RCL1: variants seen among roughly 807,000 people sequenced by gnomAD.
The protein encoded by RCL1 is RNA terminal phosphate cyclase like 1.
A neutral mutation model predicts 42.4 loss-of-function variants in RCL1; 24 were observed. The observed-to-expected ratio is 0.57, with a 90% CI of 0.41 to 0.80. The LOEUF is 0.80. Ranked by LOEUF, RCL1 falls within the 30% of genes least tolerant of loss-of-function variation. RCL1 has a pLI of 0.00. For missense variants in RCL1, 578 were observed against 467.9 expected, an observed-to-expected ratio of 1.24 and a Z score of -2.17; for synonymous variants, 228 against 177.3, an observed-to-expected ratio of 1.29 and a Z score of -2.27.
intron 8 of RCL1, chr9:4,850,148 A>G (rs913944931): frequency 1.1e-5 from 4 of 371,222 alleles, no homozygotes; most frequent in African/African-American, 8.1e-5. Flanking sequence ...TCCTATTGAT[A>G]GTAAATGAGG....
chr9:4,794,443 A>G (rs576585510), intron 1 of RCL1, among the ~76,000 whole-genome samples: 68 of 152,334 alleles, frequency 4.5e-4, no homozygotes, highest in Non-Finnish European at 2.5e-4. Flanking sequence ...GAGAGACCAC[A>G]AATGGTTTAT....
chr9:4,843,599 C>G lies in RCL1; in HGVS notation c.711-926C>G, dbSNP rs570616320. Among the ~76,000 whole-genome samples the G allele has an allele frequency of 2.1e-4, 32 of 152,196 alleles. 1 individual carries two copies. The South Asian group carries it at 6.6e-3, about 32-fold the overall frequency. On this transcript the variant is annotated intron_variant, in intron 6 of 8. Transcript: ENST00000381750. Reference sequence around the variant, plus strand: ...ATATTCTTTGTCTTTTCTAAAGTTACTTAAATTGTGTTAAATGGAATAATT... The same window carrying G: ...ATATTCTTTGTCTTTTCTAAAGTTAGTTAAATTGTGTTAAATGGAATAATT...
At chr9:4,848,518 G>A (rs371849512) in intron 7 of RCL1, among the ~76,000 whole-genome samples, 1 of 152,206 alleles carries the variant, frequency 6.6e-6, no homozygotes, top group Admixed American at 6.5e-5. Flanking sequence ...TCTAGCCTTG[G>A]ATAGTAACGT....
intron 1 of RCL1, among the ~76,000 whole-genome samples, chr9:4,796,571 A>AT (rs1002926303): frequency 2.9e-4 from 44 of 151,838 alleles, no homozygotes; most frequent in African/African-American, 9.9e-4. Flanking sequence ...GATTTTTAAA[A>AT]TTTTTTTTGT....
chr9:4,827,283 G>A (rs1342572545), intron 3 of RCL1: 19 of 1,310,520 alleles, frequency 1.4e-5, no homozygotes, highest in Non-Finnish European at 1.8e-5. Flanking sequence ...CTTCAAAACA[G>A]ATGCTCTCCG....
Position 4,838,843 on chromosome 9 carries a change from C to A in RCL1, c.585-2389C>A, listed in dbSNP as rs146038031. Reference sequence around the variant, plus strand: ...TCTCTGATTCTTGAAAGAATAAGAACCTCTGCTTGGGATTTGAATCTTGGA... The same window carrying A: ...TCTCTGATTCTTGAAAGAATAAGAAACTCTGCTTGGGATTTGAATCTTGGA... On this transcript the variant is annotated intron_variant, in intron 5 of 8. Transcript: ENST00000381750. Among the ~76,000 whole-genome samples the A allele has an allele frequency of 1.2e-3, 187 of 152,278 alleles. 2 individuals are homozygous for A. The highest frequency in any genetic ancestry group is 4.3e-3 in the African/African-American group (179 of 41,546).
At chr9:4,825,764 A>G (rs1056524428) in intron 2 of RCL1, among the ~76,000 whole-genome samples, 1 of 152,084 alleles carries the variant, frequency 6.6e-6, no homozygotes, top group African/African-American at 2.4e-5. Flanking sequence ...AGAGCCAGGC[A>G]TGGTGGTTCA....
intron 1 of RCL1, among the ~76,000 whole-genome samples, chr9:4,802,186 A>G (rs1843015145): frequency 6.6e-6 from 1 of 151,404 alleles, no homozygotes; most frequent in African/African-American, 2.4e-5. Context: ...TGGGCTCTCA[A>G]AGTGCTGGGA....
intron 1 of RCL1, among the ~76,000 whole-genome samples, chr9:4,798,194 T>C (rs1415308905): frequency 1.3e-5 from 2 of 152,196 alleles, no homozygotes; most frequent in Admixed American, 1.3e-4. Context: ...CTCATCAGTA[T>C]TATAAAGCAG....
intron 5 of RCL1, chr9:4,839,712 G>A (rs1364593613): frequency 2.0e-6 from 2 of 984,868 alleles, no homozygotes; most frequent in Non-Finnish European, 2.4e-6. Context: ...TTTGAGTCAA[G>A]TTAAATATTT....
intron 7 of RCL1, among the ~76,000 whole-genome samples, chr9:4,846,894 C>CTTTTTTCTTTTTTCT (rs57427254): frequency 0.68 from 101,662 of 148,456 alleles, 35,020 homozygotes; most frequent in African/African-American, 0.73. Flanking sequence ...TAATATTTTT[C>CTTTTTTCTTTTTTCT]TTTTTTTTTT....
intron 8 of RCL1, among the ~76,000 whole-genome samples, chr9:4,855,780 G>A (rs753651647): frequency 1.3e-5 from 2 of 152,148 alleles, no homozygotes; most frequent in African/African-American, 2.4e-5. Context: ...GACAGGCTGA[G>A]GAGTTGGCAG....
At position 4,856,814 on chromosome 9, in the gene RCL1, C is replaced by G. The variant is rs574507250; in HGVS notation, c.972-3311C>G. Among the ~76,000 whole-genome samples, 10 of 152,310 alleles carry G rather than the reference C, an allele frequency of 6.6e-5. No individual in the cohort carries two copies. In the East Asian group the frequency reaches 1.9e-3, roughly 29 times the overall value. On this transcript the variant is annotated intron_variant, in intron 8 of 8. Transcript: ENST00000381750. ...CATCCAGCACTGACCAGAACTCCTGCCCTCTAGGGTTGTTAATGTTTCATC... is the reference window on the plus strand; with the variant it reads ...CATCCAGCACTGACCAGAACTCCTGGCCTCTAGGGTTGTTAATGTTTCATC...
intron 1 of RCL1, among the ~76,000 whole-genome samples, chr9:4,802,628 T>C (rs1175094682): frequency 7.4e-6 from 1 of 135,432 alleles, no homozygotes; most frequent in Non-Finnish European, 1.5e-5. Flanking sequence ...AAATGTTCAT[T>C]TTTTTTTACT....
At chr9:4,828,544 G>A (rs1816842927) in intron 3 of RCL1, among the ~76,000 whole-genome samples, 1 of 68,248 alleles carries the variant, frequency 1.5e-5, no homozygotes, top group African/African-American at 4.2e-5. Flanking sequence ...ATTTAATTAA[G>A]TGTTTTTTTT....
chr9:4,846,959 C>T (rs1188913898), intron 7 of RCL1, among the ~76,000 whole-genome samples: 1 of 150,578 alleles, frequency 6.6e-6, no homozygotes, highest in African/African-American at 2.5e-5. Flanking sequence ...GATCTTGGCT[C>T]ACTGCAACCT....
intron 1 of RCL1, among the ~76,000 whole-genome samples, chr9:4,815,534 G>T (rs979498071): frequency 1.3e-5 from 2 of 151,854 alleles, no homozygotes; most frequent in Non-Finnish European, 2.9e-5. Context: ...GTAGGGGTAG[G>T]TGGAGTGGCT....
chr9:4,809,628 A>C (rs1816101785), intron 1 of RCL1, among the ~76,000 whole-genome samples: 2 of 152,188 alleles, frequency 1.3e-5, no homozygotes, highest in Non-Finnish European at 2.9e-5. Context: ...TTTTTAAAAA[A>C]GAAATAGAAA....
At position 4,838,983 on chromosome 9, in the gene RCL1, T is replaced by C. The variant is rs1004423094; in HGVS notation, c.585-2249T>C. ...GTGCCTCCAAACTCTGTGAGGAAAG[T>C]GTTATGATTATCCTTCTTTTACTGA... is the stretch of plus-strand genomic sequence containing the variant. On this transcript the variant is annotated intron_variant, in intron 5 of 8. Transcript: ENST00000381750. 2.2e-4 allele frequency among the ~76,000 whole-genome samples: 34 copies of C among 152,248 alleles called. 1 individual carries two copies. The highest frequency in any genetic ancestry group is 7.5e-4 in the African/African-American group (31 of 41,476).
Sources: gnomAD v4.1 joint callset for allele counts (sites outside exome capture counted in the v4.1 genomes callset) on GRCh38, gnomAD v4.1.1 for gene constraint, MANE v1.5 for transcripts, NCBI Gene and HGNC (gene_info 2026-07-23, HGNC 2026-07-21) for gene names.